The following DENND1A variants were observed in gnomAD, a reference collection of about 807,000 sequenced individuals.
DENND1A encodes DENN domain containing 1A, also known as DENN domain-containing protein 1A.
DENND1A carries 51 observed loss-of-function variants against 113.7 expected under a neutral mutation model. The observed-to-expected ratio is 0.45, with a 90% CI of 0.36 to 0.57. The LOEUF (loss-of-function observed/expected upper bound fraction) is 0.57. Ranked by LOEUF, DENND1A falls within the 20% of genes least tolerant of loss-of-function variation. The pLI is 0.00. For missense variants in DENND1A, 1,258 were observed against 1,395.9 expected, an observed-to-expected ratio of 0.90 and a Z score of 1.57; for synonymous variants, 565 against 570.8, an observed-to-expected ratio of 0.99 and a Z score of 0.14.
At chr9:123,388,691 C>T (rs555383102) in intron 21 of DENND1A, among the ~76,000 whole-genome samples, 6 of 152,354 alleles carry the variant, frequency 3.9e-5, no homozygotes, top group Non-Finnish European at 8.8e-5. Flanking sequence ...AACACCAACA[C>T]ATACACAGCC....
At chr9:123,831,320 T>C (rs555288109) in intron 2 of DENND1A, among the ~76,000 whole-genome samples, 18 of 152,318 alleles carry the variant, frequency 1.2e-4, no homozygotes, top group African/African-American at 3.1e-4. Flanking sequence ...GAATCTGTCA[T>C]GTTCATTATA....
At chr9:123,684,717 T>C (rs1329228001) in intron 5 of DENND1A, among the ~76,000 whole-genome samples, 1 of 152,230 alleles carries the variant, frequency 6.6e-6, no homozygotes, top group East Asian at 1.9e-4. Flanking sequence ...CATTTCTAGA[T>C]GATTCATTTT....
chr9:123,900,463 T>A lies in DENND1A; in HGVS notation c.18-21442A>T, dbSNP rs570649555. On this transcript the variant is annotated intron_variant, in intron 1 of 23. Transcript: ENST00000394215. ...GTGATGATAACAAAGTGCCTTCAAG[T>A]GCGGCAGGAGGGTAAAGGGGATGCT... Among the ~76,000 whole-genome samples, 4 of 152,236 alleles carry A rather than the reference T, an allele frequency of 2.6e-5. No homozygotes were observed. In the East Asian group the frequency reaches 7.7e-4, roughly 29 times the overall value.
chr9:123,615,778 T>C (rs980663620), intron 10 of DENND1A, among the ~76,000 whole-genome samples: 8 of 152,312 alleles, frequency 5.3e-5, no homozygotes, highest in Admixed American at 5.2e-4. Flanking sequence ...CAGAATCCTG[T>C]TTCCCAGAGC....
At chr9:123,578,846 GTGTGTGTGTGTGCATGTGTT>G (rs953304306) in intron 12 of DENND1A, among the ~76,000 whole-genome samples, 14 of 152,044 alleles carry the variant, frequency 9.2e-5, no homozygotes, top group South Asian at 6.2e-4. Context: ...GTGTGTTTGT[GTGTGTGTGTGTGCATGTGTT>G]TGTGTGTGTG....
chr9:123,642,150 C>G (rs2062064547), intron 9 of DENND1A, among the ~76,000 whole-genome samples: 1 of 152,092 alleles, frequency 6.6e-6, no homozygotes, highest in Non-Finnish European at 1.5e-5. Context: ...GTTCTTCATT[C>G]CAATTAGAGT....
chr9:123,394,325 T>C (rs2043007718), intron 21 of DENND1A, among the ~76,000 whole-genome samples: 1 of 152,014 alleles, frequency 6.6e-6, no homozygotes, highest in African/African-American at 2.4e-5. Flanking sequence ...CCTGGAGGCA[T>C]CTCCGAGAGG....
At chr9:123,857,532 T>C (rs1233592503) in intron 2 of DENND1A, among the ~76,000 whole-genome samples, 1 of 152,212 alleles carries the variant, frequency 6.6e-6, no homozygotes. Flanking sequence ...AAGACTACTT[T>C]AATCAAGTGA....
intron 2 of DENND1A, chr9:123,843,522 G>T: frequency 3.7e-6 from 1 of 268,838 alleles, no homozygotes; most frequent in Non-Finnish European, 7.4e-6. Context: ...TTTTGTAGGA[G>T]CATAACTTGA....
intron 13 of DENND1A, among the ~76,000 whole-genome samples, chr9:123,514,288 G>A (rs1588928934): frequency 6.6e-6 from 1 of 152,162 alleles, no homozygotes; most frequent in East Asian, 1.9e-4. Flanking sequence ...CCTGAGCCAG[G>A]GGGCAGCCTG....
intron 13 of DENND1A, among the ~76,000 whole-genome samples, chr9:123,548,209 T>A (rs2056826622): frequency 6.6e-6 from 1 of 152,180 alleles, no homozygotes; most frequent in Admixed American, 6.5e-5. Context: ...TTATCCTTGC[T>A]TCATTCCCAG....
At position 123,380,689 on chromosome 9, in the gene DENND1A, A is replaced by AAAT. The variant is rs1422476566; in HGVS notation, c.*740_*742dup. 6.6e-6 allele frequency: 1 copy of AAAT among 152,246 alleles called. No homozygotes were observed. Among genetic ancestry groups the AAAT allele is most frequent in the Non-Finnish European group, 1.5e-5 (1 of 68,036 alleles). 9.4% of individuals were successfully genotyped at this position (152,246 alleles called of 1,614,324 possible). A position where few individuals can be genotyped will look rare whatever the true frequency, so the allele number is the denominator to read the frequency against. ...GGATGAGGGCTGGGGGCTCCTCCCA[A>AAAT]AATACTCAGATGGGGGTTTCCATTT... On this transcript the variant is annotated 3_prime_UTR_variant, in exon 24 of 24. Coordinates refer to ENST00000394215, the MANE Select transcript of DENND1A (RefSeq NM_001352964.2).
chr9:123,460,595 A>G (rs1315679683), intron 13 of DENND1A, among the ~76,000 whole-genome samples: 1 of 152,210 alleles, frequency 6.6e-6, no homozygotes, highest in Admixed American at 6.5e-5. Context: ...ACAGTTACCC[A>G]CAGTGGACCT....
intron 10 of DENND1A, among the ~76,000 whole-genome samples, chr9:123,614,928 C>A (rs943002167): frequency 2.6e-5 from 4 of 152,154 alleles, no homozygotes; most frequent in Admixed American, 1.3e-4. Context: ...AACGTGTAAA[C>A]ACAGATTGTC....
intron 19 of DENND1A, among the ~76,000 whole-genome samples, chr9:123,427,057 C>A (rs1339969106): frequency 1.3e-5 from 2 of 152,232 alleles, no homozygotes; most frequent in Admixed American, 1.3e-4. Context: ...CCGTGAGGAG[C>A]TGATGGGCAC....
chr9:123,705,793 GATA>G (rs2066156798), intron 5 of DENND1A, among the ~76,000 whole-genome samples: 1 of 152,072 alleles, frequency 6.6e-6, no homozygotes. Context: ...TATGAGACTT[GATA>G]ATATTACTGA....
At chr9:123,640,977 A>T (rs1564868340) in intron 9 of DENND1A, among the ~76,000 whole-genome samples, 1 of 152,220 alleles carries the variant, frequency 6.6e-6, no homozygotes, top group Non-Finnish European at 1.5e-5. Context: ...GCTGTCTGAC[A>T]CATCTAGCTG....
chr9:123,877,415 G>A (rs574832856), intron 2 of DENND1A, among the ~76,000 whole-genome samples: 7 of 152,260 alleles, frequency 4.6e-5, no homozygotes, highest in African/African-American at 1.7e-4. Context: ...CTTGAATCCA[G>A]GAGGCGGAGG....
At chr9:123,453,990 AG>A (rs1288121056) in intron 16 of DENND1A, among the ~76,000 whole-genome samples, 1 of 152,208 alleles carries the variant, frequency 6.6e-6, no homozygotes, top group Non-Finnish European at 1.5e-5. Context: ...TCTTTCATGA[AG>A]GAATTGCTTA....
Sources: allele counts gnomAD v4.1 joint callset (sites outside exome capture counted in the v4.1 genomes callset), GRCh38; gene constraint gnomAD v4.1.1; transcripts MANE v1.5; gene names NCBI Gene and HGNC (gene_info 2026-07-23, HGNC 2026-07-21).